The following CELSR2 variants were observed in gnomAD, a reference collection of about 807,000 sequenced individuals.
CELSR2 encodes cadherin EGF LAG seven-pass G-type receptor 2.
Under a neutral mutation model 251.6 loss-of-function variants are expected in CELSR2, and 81 were observed. The observed-to-expected ratio is 0.32, with a 90% CI of 0.27 to 0.39. The LOEUF (loss-of-function observed/expected upper bound fraction) is 0.39. CELSR2 is among the 10% of genes least tolerant of loss of function. CELSR2 has a pLI of 1.00. For synonymous variants in CELSR2, 1,721 were observed against 1,670.5 expected (o/e 1.03, Z -0.74); for missense variants, 3,365 against 3,947.7 (o/e 0.85, Z 3.96).
chr1:109,264,385 C>G lies in CELSR2; in HGVS notation c.5289+20C>G. 2 of 1,594,222 alleles carry G rather than the reference C, an allele frequency of 1.3e-6. No homozygotes were observed. The highest frequency in any genetic ancestry group is 1.7e-6 in the Non-Finnish European group (2 of 1,164,628). ...TTGCAGGTGAGTGTCCTGCCCTGCC[C>G]TCCCATCCCCTCCCCCACCACCTGC... On this transcript the variant is annotated intron_variant, in intron 10 of 33. Transcript: ENST00000271332.
In CELSR2 at chr1:109,265,285, A is replaced by G. The variant is rs1162509573; in HGVS notation, c.5701A>G (p.Lys1901Glu). 1.9e-6 allele frequency: 3 copies of G among 1,610,414 alleles called. No homozygotes were observed. Among genetic ancestry groups the G allele is most frequent in the East Asian group, 2.2e-5 (1 of 44,888 alleles). The change falls in exon 13 of 34, where the codon AAG becomes GAG. Residue 1901 changes from lysine to glutamate, a missense_variant. Lys to Glu is a moderately conservative substitution (Grantham distance 56). Around this residue, in one of 5 missense-constraint regions of CELSR2, gnomAD observed 2,093 missense variants for 2,382.8 expected, o/e 0.88. Transcript: ENST00000271332. ...VSKGFDPDCNKTSGECHCKEN... is the reference protein window; with the variant it reads ...VSKGFDPDCNETSGECHCKEN... ...CAAAGGCTTTGACCCAGACTGCAACAAGACAAGCGGCGAGTGCCACTGCAA... is the reference window on the plus strand; with the variant it reads ...CAAAGGCTTTGACCCAGACTGCAACGAGACAAGCGGCGAGTGCCACTGCAA...
In CELSR2 at chr1:109,261,921, T is replaced by TG; in HGVS notation, c.4386+30dup. 1.3e-6 allele frequency: 2 copies of TG among 1,554,526 alleles called. No individual in the cohort carries two copies. The highest frequency in any genetic ancestry group is 1.7e-4 in the Middle Eastern group (1 of 6,010). On this transcript the variant is annotated intron_variant, in intron 5 of 33. Coordinates refer to ENST00000271332, the MANE Select transcript of CELSR2 (RefSeq NM_001408.3). This position sits in a 1 kb window ranked among gnomAD's most constrained non-coding sequence, Gnocchi z 4.8. Reference sequence around the variant, plus strand: ...GGTGGGTGTGGAGGGCACAGAGGGTTGGGGGTTCTGTTCTTGCCTCAGGTG... The same window carrying TG: ...GGTGGGTGTGGAGGGCACAGAGGGTTGGGGGGTTCTGTTCTTGCCTCAGGTG...
At chr1:109,265,402 TC>T (rs1352538723) in intron 13 of CELSR2, 91 bp downstream of exon 13, 1 of 1,388,382 alleles carries the variant, frequency 7.2e-7, no homozygotes, top group Non-Finnish European at 9.8e-7. Context: ...GGATGGGTCT[TC>T]CTGTAGAGCT....
chr1:109,264,988 T>C lies in CELSR2; in HGVS notation c.5585T>C (p.Leu1862Pro), dbSNP rs1656147595. ...ACCTGCGAGTGTCCCCCAAATTACC[T>C]TGGGCCATACTGTGAGACCAGGTAA... Reference protein sequence around the residue: ...GYTCECPPNYLGPYCETRIDQ... With the variant: ...GYTCECPPNYPGPYCETRIDQ... The change falls in exon 12 of 34, where the codon CTT becomes CCT. Residue 1862 changes from leucine to proline, a missense_variant. Physicochemically the swap from Leu to Pro is moderately conservative, Grantham distance 98. Transcript: ENST00000271332. The C allele has an allele frequency of 1.2e-6, 2 of 1,614,084 alleles. No individual in the cohort carries two copies. The highest frequency in any genetic ancestry group is 1.3e-5 in the African/African-American group (1 of 74,932).
rs1034960431 is a variant in CELSR2, at chr1:109,263,230, G to A, written c.4797G>A (p.Glu1599=). ...CVNQWDAFSC[E]CPLGFGGKSC... Reference sequence around the variant, plus strand: ...ACCAGTGGGACGCGTTCAGCTGCGAGTGCCCCCTGGGCTTTGGGGGCAAGA... The same window carrying A: ...ACCAGTGGGACGCGTTCAGCTGCGAATGCCCCCTGGGCTTTGGGGGCAAGA... Residue 1599 remains glutamate, a synonymous_variant, in exon 8 of 34, where the codon GAG becomes GAA. Coordinates refer to ENST00000271332, the MANE Select transcript of CELSR2 (RefSeq NM_001408.3). 6.3e-7 allele frequency: 1 copy of A among 1,591,140 alleles called. No individual in the cohort carries two copies. The highest frequency in any genetic ancestry group is 1.3e-5 in the African/African-American group (1 of 74,560).
chr1:109,270,797 G>A, intron 24 of CELSR2, 130 bp from the exon 25 acceptor site: 4 of 991,256 alleles, frequency 4.0e-6, no homozygotes, highest in Non-Finnish European at 6.1e-6. Flanking sequence ...GGGGAGATCG[G>A]TAGGGGCCGA....
Position 109,252,476 on chromosome 1 carries a change from C to G in CELSR2, c.2397C>G (p.Thr799=), listed in dbSNP as rs1422137004. Residue 799 remains threonine, a synonymous_variant, in exon 1 of 34, where the codon ACC becomes ACG. Transcript: ENST00000271332. This position sits in a 1 kb window ranked among gnomAD's most constrained non-coding sequence, Gnocchi z 4.8. ...GCATTCCCCAGAAGTCCGACACCAC[C>G]TACCTGGAGATCCTGGTGAACGACG... The part of the protein sequence containing the change: ...DNGIPQKSDT[T]YLEILVNDVN... 1.2e-6 allele frequency: 2 copies of G among 1,613,750 alleles called. No homozygotes were observed. Among genetic ancestry groups the G allele is most frequent in the African/African-American group, 2.7e-5 (2 of 74,944 alleles).
chr1:109,267,239 G>A (rs745675421), intron 15 of CELSR2, among the ~76,000 whole-genome samples: 14 of 152,034 alleles, frequency 9.2e-5, no homozygotes, highest in Non-Finnish European at 1.9e-4. Context: ...CGCTGGTCCT[G>A]GACTGGCAAT....
intron 1 of CELSR2, among the ~76,000 whole-genome samples, chr1:109,255,048 C>A (rs961733584): frequency 6.6e-6 from 1 of 152,178 alleles, no homozygotes; most frequent in Non-Finnish European, 1.5e-5. Flanking sequence ...GAGCCCTAGA[C>A]CTTGGTTCCC....
intron 1 of CELSR2, among the ~76,000 whole-genome samples, chr1:109,254,634 G>T (rs568413523): frequency 1.3e-5 from 2 of 152,268 alleles, no homozygotes; most frequent in Admixed American, 1.3e-4. Flanking sequence ...GGGAGGAAAA[G>T]AAGAGGCTGG....
Position 109,249,978 on chromosome 1 carries a change from A to C in CELSR2, c.-102A>C. On this transcript the variant is annotated 5_prime_UTR_variant, in exon 1 of 34. Transcript: ENST00000271332. ...CGGGGCGCACGGGAGGCCCCCGGGG[A>C]CTGGCGCCCTGGCCCGGGCATGAGG... The C allele has an allele frequency of 9.1e-7, 1 of 1,095,450 alleles. No homozygotes were observed. Among genetic ancestry groups the C allele is most frequent in the Non-Finnish European group, 1.1e-6 (1 of 878,338 alleles). The allele number at this position is 1,095,450 out of a possible 1,614,324, so 67.9% of individuals were successfully genotyped here. A position where few individuals can be genotyped will look rare whatever the true frequency, so the allele number is the denominator to read the frequency against.
intron 1 of CELSR2, among the ~76,000 whole-genome samples, chr1:109,256,558 C>G (rs1197834812): frequency 6.6e-6 from 1 of 152,190 alleles, no homozygotes; most frequent in Non-Finnish European, 1.5e-5. Flanking sequence ...ACTCCCACCC[C>G]ACCCCAGAAA....
chr1:109,271,656 C>G lies in CELSR2; in HGVS notation c.7860C>G (p.Leu2620=). 1 of 1,614,036 alleles carries G rather than the reference C, an allele frequency of 6.2e-7. No individual in the cohort carries two copies. The highest frequency in any genetic ancestry group is 8.5e-7 in the Non-Finnish European group (1 of 1,180,034). Residue 2620 remains leucine (L), a synonymous_variant, in exon 28 of 34, where the codon CTC becomes CTG. Coordinates refer to ENST00000271332, the MANE Select transcript of CELSR2 (RefSeq NM_001408.3). ...TTAGCAAGGAGGTCCGGAAAGCACT[C>G]AAGCTTGCCTGCAGCCGCAAGCCCA... ...VVLSKEVRKA[L]KLACSRKPSP...
rs369627817 is a variant in CELSR2 at position 109,273,068 on chromosome 1, A to C, written c.8338+41A>C. Reference sequence around the variant, plus strand: ...GGCTGTGGCCTTTGGGGCCAGTGGGAGGACAGTGGGCCTGGGGTTCTTGGG... The same window carrying C: ...GGCTGTGGCCTTTGGGGCCAGTGGGCGGACAGTGGGCCTGGGGTTCTTGGG... On this transcript the variant is annotated intron_variant, in intron 31 of 33. Coordinates refer to ENST00000271332, the MANE Select transcript of CELSR2 (RefSeq NM_001408.3). 7.5e-5 allele frequency: 120 copies of C among 1,596,200 alleles called. No individual in the cohort carries two copies. The African/African-American group carries it at 1.5e-3, about 20-fold the overall frequency.
chr1:109,270,864 G>A (rs1046964967), intron 24 of CELSR2, 63 bp from the exon 25 acceptor site: 14 of 1,242,120 alleles, frequency 1.1e-5, no homozygotes, highest in Middle Eastern at 2.2e-4. Context: ...CCACCTGCCC[G>A]CAGCCCTACT....
chr1:109,269,805 C>T lies in CELSR2; in HGVS notation c.7092C>T (p.Asp2364=), dbSNP rs777309202. 2.0e-5 allele frequency: 32 copies of T among 1,612,848 alleles called. No individual in the cohort carries two copies. In the Admixed American group the frequency reaches 4.0e-4, roughly 20 times the overall value. The change falls in exon 22 of 34, where the codon GAC becomes GAT. Residue 2364 remains aspartate (D), a synonymous_variant. Coordinates refer to ENST00000271332, the MANE Select transcript of CELSR2 (RefSeq NM_001408.3). The surrounding 1 kb of genome is among the most constrained non-coding windows in gnomAD (Gnocchi z 6.4). ...TGACGAGCTTCGCTGTGCTCATGGA[C>T]GTTTCTCGGCGGGAGGTCGGGCCCA... ...NHMTSFAVLM[D]VSRRENGEIL...
In CELSR2 at chr1:109,269,617, T is replaced by C. The variant is rs1557736189; in HGVS notation, c.6980+26T>C. On this transcript the variant is annotated intron_variant, in intron 21 of 33. Transcript: ENST00000271332. The surrounding 1 kb of genome is among the most constrained non-coding windows in gnomAD (Gnocchi z 6.4). ...GTGAGCCTGCACTGCCCTCGCCCCC[T>C]CAGGCTTCGGGCTGAAAGTCCAGGC... The C allele has an allele frequency of 6.2e-7, 1 of 1,613,224 alleles. No homozygotes were observed. Among genetic ancestry groups the C allele is most frequent in the Non-Finnish European group, 8.5e-7 (1 of 1,179,352 alleles).
rs1656341813 is a variant in CELSR2, at chr1:109,270,571, T to C, written c.7454T>C (p.Leu2485Pro). Residue 2485 changes from leucine to proline, a missense_variant, in exon 24 of 34, where the codon CTG becomes CCG. Coordinates refer to ENST00000271332, the MANE Select transcript of CELSR2 (RefSeq NM_001408.3). Reference protein sequence around the residue: ...NTGPMRFYYMLGWGVPAFITG... With the variant: ...NTGPMRFYYMPGWGVPAFITG... ...GGCCCCATGCGCTTCTACTACATGC[T>C]GGGCTGGGGCGTGCCTGCCTTCATC... The C allele has an allele frequency of 8.1e-6, 13 of 1,614,010 alleles. No homozygotes were observed. Among genetic ancestry groups the C allele is most frequent in the South Asian group, 3.3e-5 (3 of 91,086 alleles).
rs754848798 is a variant in CELSR2 at position 109,269,791 on chromosome 1, G to T, written c.7078G>T (p.Ala2360Ser). 1.2e-6 allele frequency: 2 copies of T among 1,613,464 alleles called. No individual in the cohort carries two copies. The highest frequency in any genetic ancestry group is 2.2e-5 in the East Asian group (1 of 44,856). Residue 2360 changes from alanine to serine, a missense_variant, in exon 22 of 34, where the codon GCT (alanine) becomes TCT (serine). Transcript: ENST00000271332. This position sits in a 1 kb window ranked among gnomAD's most constrained non-coding sequence, Gnocchi z 6.4. ...SCQCNHMTSF[A>S]VLMDVSRREN... ...CCAGTGCAACCACATGACGAGCTTC[G>T]CTGTGCTCATGGACGTTTCTCGGCG...
Sources: gnomAD v4.1 joint callset for allele counts (sites outside exome capture counted in the v4.1 genomes callset) on GRCh38, gnomAD v4.1.1 for gene constraint, gnomAD v4.1.1 regional missense constraint, Gnocchi (gnomAD v3.1) non-coding constraint, MANE v1.5 for transcripts, NCBI Gene and HGNC (gene_info 2026-07-23, HGNC 2026-07-21) for gene names.